METAP1: variants seen among roughly 807,000 people sequenced by gnomAD.
METAP1 encodes the protein methionine aminopeptidase 1.
A neutral mutation model predicts 53.8 loss-of-function variants in METAP1; 28 were observed. The observed-to-expected ratio is 0.52, with a 90% CI of 0.39 to 0.71. The LOEUF is 0.71. METAP1 is among the 30% of genes least tolerant of loss of function. METAP1 has a pLI of 0.00. For synonymous variants in METAP1, 181 were observed against 165.7 expected (o/e 1.09, Z -0.71); for missense variants, 389 against 479.8 (o/e 0.81, Z 1.77).
At chr4:99,045,493 C>T (rs1002774374) in intron 8 of METAP1, among the ~76,000 whole-genome samples, 183 bp downstream of exon 8, 1 of 152,094 alleles carries the variant, frequency 6.6e-6, no homozygotes, top group Non-Finnish European at 1.5e-5. Flanking sequence ...TGGTGATAGA[C>T]CAGATGATTG....
At chr4:99,053,451 C>T (rs1186416166) in intron 9 of METAP1, among the ~76,000 whole-genome samples, 1 of 152,012 alleles carries the variant, frequency 6.6e-6, no homozygotes, top group African/African-American at 2.4e-5. Context: ...TGGGATTTTA[C>T]TGTGTTGCCC....
chr4:99,041,449 A>G (rs1211861895), intron 6 of METAP1, among the ~76,000 whole-genome samples: 4 of 152,102 alleles, frequency 2.6e-5, no homozygotes, highest in African/African-American at 7.2e-5. Flanking sequence ...ACAGACATCA[A>G]ATATTCTGAA....
chr4:99,029,994 C>T (rs1178373435), intron 2 of METAP1, among the ~76,000 whole-genome samples: 1 of 152,084 alleles, frequency 6.6e-6, no homozygotes, highest in African/African-American at 2.4e-5. Context: ...AAAGATAGGA[C>T]TTGTTGATTT....
intron 8 of METAP1, among the ~76,000 whole-genome samples, chr4:99,047,670 G>A: frequency 6.6e-6 from 1 of 152,174 alleles, no homozygotes; most frequent in Non-Finnish European, 1.5e-5. Context: ...CCTCAGTCTG[G>A]GAATCAGATA....
chr4:99,039,766 G>T (rs983852726), intron 5 of METAP1, among the ~76,000 whole-genome samples: 1 of 151,954 alleles, frequency 6.6e-6, no homozygotes, highest in African/African-American at 2.4e-5. Flanking sequence ...GCTAATTTTT[G>T]TATTTTTAGT....
At chr4:99,009,841 G>A (rs1723382920) in intron 1 of METAP1, among the ~76,000 whole-genome samples, 1 of 152,146 alleles carries the variant, frequency 6.6e-6, no homozygotes, top group African/African-American at 2.4e-5. Flanking sequence ...TCTGTTGATT[G>A]TGTCCTTTGA....
chr4:99,012,652 GTTTTTT>G (rs78437310), intron 1 of METAP1, among the ~76,000 whole-genome samples: 13 of 90,388 alleles, frequency 1.4e-4, no homozygotes, highest in Middle Eastern at 9.4e-3. Context: ...ATCCCATAAA[GTTTTTT>G]TTTTTTTTTT....
chr4:99,021,528 ATGT>A (rs1256990685), intron 1 of METAP1, among the ~76,000 whole-genome samples: 1 of 152,090 alleles, frequency 6.6e-6, no homozygotes, highest in Admixed American at 6.5e-5. Flanking sequence ...CGGGAATTTG[ATGT>A]TGTAAAGAAA....
intron 1 of METAP1, 87 bp from the exon 2 acceptor site, chr4:99,028,780 C>T (rs895479998): frequency 2.1e-6 from 2 of 968,996 alleles, no homozygotes; most frequent in South Asian, 1.9e-5. Flanking sequence ...AAATAGTTTA[C>T]AATAACTCTT....
At chr4:99,044,037 A>T (rs1217473331) in intron 7 of METAP1, among the ~76,000 whole-genome samples, 1 of 152,054 alleles carries the variant, frequency 6.6e-6, no homozygotes, top group African/African-American at 2.4e-5. Flanking sequence ...GGCTCAGGTG[A>T]TCCTCCCACC....
Position 98,995,861 on chromosome 4 carries a change from C to T in METAP1, c.108C>T (p.Cys36=). The T allele has an allele frequency of 6.5e-7, 1 of 1,541,018 alleles. No homozygotes were observed. The highest frequency in any genetic ancestry group is 8.8e-7 in the Non-Finnish European group (1 of 1,141,888). ...TGGGCATCCAGGGCTCGTACTTCTG[C>T]TCGCAGGTAGGCGCCCGCTGCCCCG... is the stretch of plus-strand genomic sequence containing the variant. The part of the protein sequence containing the change: ...IKLGIQGSYF[C]SQECFKGSWA... The change falls in exon 1 of 11, where the codon TGC becomes TGT. Residue 36 remains cysteine (C), a synonymous_variant. Transcript: ENST00000296411.
chr4:99,005,537 T>A (rs1000160848), intron 1 of METAP1, among the ~76,000 whole-genome samples: 2 of 152,194 alleles, frequency 1.3e-5, no homozygotes, highest in African/African-American at 4.8e-5. Context: ...CTGGTGGGAA[T>A]GTAATTTAGT....
intron 1 of METAP1, among the ~76,000 whole-genome samples, chr4:98,996,836 C>G (rs1358000442): frequency 6.6e-6 from 1 of 152,138 alleles, no homozygotes. Context: ...CATGAATATT[C>G]AAATATTAAA....
intron 2 of METAP1, chr4:99,031,523 T>C (rs1725026552): frequency 7.8e-7 from 1 of 1,288,786 alleles, no homozygotes; most frequent in Non-Finnish European, 1.0e-6. Context: ...AGGTGTTATG[T>C]AATGTCTTAA....
At chr4:99,040,492 C>T (rs968829103) in intron 5 of METAP1, among the ~76,000 whole-genome samples, 3 of 146,702 alleles carry the variant, frequency 2.0e-5, no homozygotes, top group African/African-American at 5.0e-5. Context: ...TTTTTTGAGA[C>T]AGGGTCTTGC....
chr4:99,048,859 A>AT lies in METAP1; in HGVS notation c.915dup (p.Val306CysfsTer6). ...CACAAGCTTTTTCATACAGCTCCCA[A>AT]TGTACCCCACTATGCTAGTAAGTAC... On this transcript the variant is annotated frameshift_variant, in exon 9 of 11. Transcript: ENST00000296411. LOFTEE classifies it high-confidence loss of function. The AT allele has an allele frequency of 6.2e-7, 1 of 1,614,012 alleles. No individual in the cohort carries two copies. Among genetic ancestry groups the AT allele is most frequent in the Non-Finnish European group, 8.5e-7 (1 of 1,179,884 alleles).
intron 4 of METAP1, among the ~76,000 whole-genome samples, chr4:99,036,335 A>G (rs1487070414): frequency 6.6e-6 from 1 of 152,114 alleles, no homozygotes; most frequent in Non-Finnish European, 1.5e-5. Flanking sequence ...AGGGAAAGAT[A>G]GTCTAAATGA....
chr4:99,038,782 G>T (rs1023244606), intron 4 of METAP1, among the ~76,000 whole-genome samples: 2 of 151,956 alleles, frequency 1.3e-5, no homozygotes, highest in African/African-American at 4.8e-5. Context: ...CGTGATCTTT[G>T]TATGTGTATA....
chr4:99,015,124 G>A (rs1454477356), intron 1 of METAP1, among the ~76,000 whole-genome samples: 2 of 152,220 alleles, frequency 1.3e-5, no homozygotes, highest in Non-Finnish European at 2.9e-5. Context: ...GGCTTACCGT[G>A]TGCACAAGTG....
Sources: allele counts gnomAD v4.1 joint callset (sites outside exome capture counted in the v4.1 genomes callset), GRCh38; gene constraint gnomAD v4.1.1; transcripts MANE v1.5; gene names NCBI Gene and HGNC (gene_info 2026-07-23, HGNC 2026-07-21).